ASCC3: variants seen among roughly 807,000 people sequenced by gnomAD.
The protein encoded by ASCC3 is ASC-1 complex subunit P200.
In ASCC3, 158 loss-of-function variants were observed where a neutral mutation model predicts 256.3. The observed-to-expected ratio is 0.62, with a 90% CI of 0.54 to 0.70. ASCC3 has a LOEUF of 0.70. ASCC3 is among the 30% of genes least tolerant of loss of function. The pLI, the probability that ASCC3 is intolerant of heterozygous loss-of-function variation, is 0.00. For synonymous variants in ASCC3, 948 were observed against 883.4 expected (o/e 1.07, Z -1.30); for missense variants, 2,259 against 2,626.0 (o/e 0.86, Z 3.05).
chr6:100,521,845 C>T (rs979635920), intron 37 of ASCC3, among the ~76,000 whole-genome samples: 1 of 152,192 alleles, frequency 6.6e-6, no homozygotes, highest in Non-Finnish European at 1.5e-5. Flanking sequence ...CTTCATATGA[C>T]TGAGCTTAGG....
intron 27 of ASCC3, 87 bp from the exon 28 acceptor site, chr6:100,628,074 T>A: frequency 1.5e-6 from 2 of 1,331,170 alleles, no homozygotes; most frequent in Admixed American, 2.2e-5. Context: ...GTTTGTAGCT[T>A]CCTCAAAAAA....
intron 10 of ASCC3, among the ~76,000 whole-genome samples, chr6:100,732,457 T>C (rs34783966): frequency 1.3e-5 from 2 of 152,166 alleles, no homozygotes; most frequent in Non-Finnish European, 2.9e-5. Context: ...CTACTGAAAA[T>C]GACCGTTAAT....
At chr6:100,577,242 T>A (rs1770918834) in intron 36 of ASCC3, among the ~76,000 whole-genome samples, 1 of 152,048 alleles carries the variant, frequency 6.6e-6, no homozygotes, top group South Asian at 2.1e-4. Context: ...CATCTCTTTT[T>A]GAATCTATAA....
intron 13 of ASCC3, among the ~76,000 whole-genome samples, chr6:100,685,024 G>GT (rs1777501886): frequency 6.6e-6 from 1 of 151,900 alleles, no homozygotes; most frequent in South Asian, 2.1e-4. Context: ...AGCCAGGATG[G>GT]TCTCGATCTC....
chr6:100,648,954 T>C (rs190272019), intron 20 of ASCC3, among the ~76,000 whole-genome samples: 49 of 151,980 alleles, frequency 3.2e-4, no homozygotes, highest in Admixed American at 1.8e-3. Context: ...CCTAGAATAT[T>C]TGAGCTATAG....
intron 37 of ASCC3, among the ~76,000 whole-genome samples, chr6:100,526,566 A>G (rs746607570): frequency 1.3e-4 from 20 of 152,220 alleles, no homozygotes; most frequent in Admixed American, 2.6e-4. Context: ...TAACACCTCA[A>G]AATCCACACA....
Position 100,735,204 on chromosome 6 carries a change from T to C in ASCC3, c.1738-9501A>G, listed in dbSNP as rs373608219. Among the ~76,000 whole-genome samples the C allele has an allele frequency of 6.4e-4, 97 of 152,284 alleles. 3 individuals carry two copies. In the South Asian group the frequency reaches 0.019, roughly 31 times the overall value. On this transcript the variant is annotated intron_variant, in intron 10 of 41. Coordinates refer to ENST00000369162, the MANE Select transcript of ASCC3 (RefSeq NM_006828.4). ...ATCTGATATTACAACTTAAGATGAA[T>C]TTCTTGGACACCAAGACTCCAATAT...
intron 30 of ASCC3, among the ~76,000 whole-genome samples, chr6:100,610,295 A>G (rs1354561158): frequency 2.6e-5 from 4 of 152,206 alleles, no homozygotes; most frequent in Admixed American, 2.6e-4. Context: ...TGCATAAATC[A>G]ATAAGTAGAT....
rs955177284 is a variant in ASCC3, at chr6:100,850,890, C to T, written c.242-2183G>A. Among the ~76,000 whole-genome samples, 5 of 152,036 alleles carry T rather than the reference C, an allele frequency of 3.3e-5. No individual in the cohort carries two copies. The East Asian group carries it at 5.8e-4, about 18-fold the overall frequency. ...TAATTTGGGGATTATGGTACTTCTA[C>T]AGATAATTTAAAGGGGTTGATAGAA... On this transcript the variant is annotated intron_variant, in intron 3 of 41. Transcript: ENST00000369162.
At chr6:100,763,814 C>A (rs967748500) in intron 10 of ASCC3, among the ~76,000 whole-genome samples, 1 of 152,170 alleles carries the variant, frequency 6.6e-6, no homozygotes, top group Non-Finnish European at 1.5e-5. Context: ...GGGCTGCACT[C>A]TCATTGGCAG....
chr6:100,799,718 T>C, intron 6 of ASCC3, 146 bp from the exon 7 acceptor site: 1 of 819,526 alleles, frequency 1.2e-6, no homozygotes, highest in Non-Finnish European at 1.8e-6. Context: ...ATTTTAGGAA[T>C]CCTGAAATTT....
At chr6:100,559,330 T>C (rs960745985) in intron 36 of ASCC3, among the ~76,000 whole-genome samples, 6 of 152,128 alleles carry the variant, frequency 3.9e-5, no homozygotes, top group Admixed American at 3.3e-4. Flanking sequence ...TTCAAATAAA[T>C]TCCTTCTGTT....
At chr6:100,819,124 T>C (rs575987465) in intron 4 of ASCC3, among the ~76,000 whole-genome samples, 40 of 151,682 alleles carry the variant, frequency 2.6e-4, no homozygotes, top group East Asian at 2.1e-3. Context: ...ATGAGATCAC[T>C]TGGACACAGG....
At chr6:100,798,602 T>C (rs1281981746) in intron 8 of ASCC3, 111 bp downstream of exon 8, 5 of 1,520,742 alleles carry the variant, frequency 3.3e-6, no homozygotes, top group Non-Finnish European at 3.6e-6. Context: ...TATATATGTC[T>C]GTACTGTATT....
chr6:100,632,182 T>TAAAAAAAAAAAA (rs35229827), intron 25 of ASCC3, among the ~76,000 whole-genome samples: 19 of 101,998 alleles, frequency 1.9e-4, no homozygotes, highest in East Asian at 2.8e-4. Context: ...GCAAACTATC[T>TAAAAAAAAAAAA]AAAAAAAAAA....
At chr6:100,776,581 G>A (rs561312616) in intron 8 of ASCC3, among the ~76,000 whole-genome samples, 1 of 152,130 alleles carries the variant, frequency 6.6e-6, no homozygotes, top group African/African-American at 2.4e-5. Flanking sequence ...AAATTCCATA[G>A]AAAGTGTATG....
At chr6:100,678,113 A>C (rs1249425990) in intron 14 of ASCC3, among the ~76,000 whole-genome samples, 1 of 152,190 alleles carries the variant, frequency 6.6e-6, no homozygotes, top group Non-Finnish European at 1.5e-5. Context: ...AATGCCTGAC[A>C]CCAGTGACCA....
At chr6:100,751,178 AT>A (rs752914396) in intron 10 of ASCC3, among the ~76,000 whole-genome samples, 27 of 152,044 alleles carry the variant, frequency 1.8e-4, no homozygotes, top group East Asian at 5.8e-4. Context: ...CAATCACTCA[AT>A]TCATATGGCT....
At chr6:100,840,810 T>C (rs935959848) in intron 4 of ASCC3, among the ~76,000 whole-genome samples, 2 of 152,056 alleles carry the variant, frequency 1.3e-5, no homozygotes, top group African/African-American at 4.8e-5. Flanking sequence ...TCACAGATGA[T>C]ATAGTTCCTG....
Sources: allele counts gnomAD v4.1 joint callset (sites outside exome capture counted in the v4.1 genomes callset), GRCh38; gene constraint gnomAD v4.1.1; transcripts MANE v1.5; gene names NCBI Gene and HGNC (gene_info 2026-07-23, HGNC 2026-07-21).